The following CFAP74 variants were observed in gnomAD, a reference collection of about 807,000 sequenced individuals.
CFAP74 encodes cilia and flagella associated protein 74.
A neutral mutation model predicts 188.9 loss-of-function variants in CFAP74; 124 were observed. The ratio of observed to expected loss-of-function variants is 0.66; its 90% confidence interval spans 0.57 to 0.76. CFAP74 has a LOEUF of 0.76. Ranked by LOEUF, CFAP74 falls within the 30% of genes least tolerant of loss-of-function variation. CFAP74 has a pLI of 0.00. For synonymous variants in CFAP74, 956 were observed against 916.7 expected, an observed-to-expected ratio of 1.04 and a Z score of -0.77; for missense variants, 2,198 against 2,165.2, an observed-to-expected ratio of 1.02 and a Z score of -0.30.
In CFAP74 at chr1:1,930,216, G is replaced by T. The variant is rs547983727; in HGVS notation, c.3132C>A (p.Ile1044=). 1 of 1,535,742 alleles carries T rather than the reference G, an allele frequency of 6.5e-7. No individual in the cohort carries two copies. The highest frequency in any genetic ancestry group is 2.4e-5 in the East Asian group (1 of 40,918). Residue 1044 remains isoleucine (I), a synonymous_variant, in exon 26 of 39, where the codon ATC becomes ATA. Transcript: ENST00000682832. The part of the protein sequence containing the change: ...YDTSVATVYV[I]NSHLSMSSPT... ...GTGAGCTCATGCTCAGGTGAGAGTT[G>T]ATGACGTACACTGTAGCCACGGAGG...
At chr1:1,994,719 A>C (rs1258739156) in intron 1 of CFAP74, among the ~76,000 whole-genome samples, 2 of 152,222 alleles carry the variant, frequency 1.3e-5, no homozygotes, top group Non-Finnish European at 2.9e-5. Context: ...CATTGCACAC[A>C]CACAGTTCCT....
chr1:1,968,593 A>C lies in CFAP74; in HGVS notation c.1245+42T>G. The C allele has an allele frequency of 6.4e-7, 1 of 1,562,988 alleles. No individual in the cohort carries two copies. The highest frequency in any genetic ancestry group is 8.8e-7 in the Non-Finnish European group (1 of 1,138,648). The stretch of plus-strand genomic sequence containing the variant: ...AGCCCTGAGGCCCCACCTGCCCTCC[A>C]CAGGTGTGCGGCTTCTGTCTACAGG... On this transcript the variant is annotated intron_variant, in intron 11 of 38. Transcript: ENST00000682832. The surrounding 1 kb of genome is among the most constrained non-coding windows in gnomAD (Gnocchi z 4.3).
chr1:1,927,154 G>T, intron 28 of CFAP74, 126 bp from the exon 29 acceptor site: 1 of 1,139,356 alleles, frequency 8.8e-7, no homozygotes, highest in Non-Finnish European at 1.2e-6. Context: ...TGTCCCAGTT[G>T]TGTCTGACAA....
intron 18 of CFAP74, 119 bp downstream of exon 18, chr1:1,955,572 G>A (rs959818049): frequency 1.8e-5 from 29 of 1,611,772 alleles, no homozygotes; most frequent in South Asian, 2.2e-5. Flanking sequence ...ACTTAACATC[G>A]AAGGCCTAGG....
At chr1:1,956,920 G>T in intron 16 of CFAP74, 136 bp from the exon 17 acceptor site, 1 of 866,934 alleles carries the variant, frequency 1.2e-6, no homozygotes, top group Non-Finnish European at 1.8e-6. Flanking sequence ...GCAGGTACAC[G>T]ATTCAACCCA....
chr1:1,985,263 C>T (rs995257288), intron 6 of CFAP74, 123 bp downstream of exon 6: 2 of 759,526 alleles, frequency 2.6e-6, no homozygotes, highest in Admixed American at 4.2e-5. Context: ...CCCCTTTCCA[C>T]TTCCCCGCAG....
chr1:1,932,383 C>T (rs1033999276), intron 25 of CFAP74, among the ~76,000 whole-genome samples: 2 of 144,342 alleles, frequency 1.4e-5, no homozygotes, highest in African/African-American at 5.1e-5. Context: ...GGTGATAGAG[C>T]GAGACTCTGT....
Position 1,924,452 on chromosome 1 carries a change from G to C in CFAP74, c.4173C>G (p.Gly1391=), listed in dbSNP as rs1236028661. The C allele has an allele frequency of 2.5e-6, 4 of 1,584,480 alleles. No individual in the cohort carries two copies. Among genetic ancestry groups the C allele is most frequent in the Non-Finnish European group, 3.4e-6 (4 of 1,169,920 alleles). Residue 1391 remains glycine, a synonymous_variant, in exon 34 of 39, where the codon GGC becomes GGG. Transcript: ENST00000682832. ...MHLDSLSSTR[G]RGQQQLPQFL... ...ACTGCGGCAGCTGCTGCTGGCCCCG[G>C]CCCCGGGTGCTGGAGAGGCTGTCCA... is the stretch of plus-strand genomic sequence containing the variant.
chr1:1,996,712 G>A (rs923744055), intron 1 of CFAP74, among the ~76,000 whole-genome samples: 5 of 151,878 alleles, frequency 3.3e-5, no homozygotes, highest in Admixed American at 2.6e-4. Context: ...CTTGAGGTCC[G>A]GAGTTTGAGA....
intron 20 of CFAP74, 65 bp from the exon 21 acceptor site, chr1:1,944,517 C>T: frequency 6.7e-7 from 1 of 1,503,244 alleles, no homozygotes; most frequent in Non-Finnish European, 8.9e-7. Flanking sequence ...TGTTGGTGAG[C>T]ACTGACACAG....
At chr1:1,944,737 G>A (rs759013157) in intron 20 of CFAP74, among the ~76,000 whole-genome samples, 3 of 152,134 alleles carry the variant, frequency 2.0e-5, no homozygotes, top group Non-Finnish European at 4.4e-5. Flanking sequence ...CTCCCAAGTA[G>A]CTGGGATTAC....
At chr1:1,939,805 C>T (rs759129874) in intron 23 of CFAP74, 38 bp from the exon 24 acceptor site, 240 of 1,518,206 alleles carry the variant, frequency 1.6e-4, no homozygotes, top group African/African-American at 9.2e-4. Context: ...CGCAGCCACT[C>T]GGAGACTTAC....
chr1:1,998,227 A>G (rs7532409), intron 1 of CFAP74, among the ~76,000 whole-genome samples: 52,598 of 151,986 alleles, frequency 0.35, 10,157 homozygotes, highest in African/African-American at 0.53. Context: ...GCAGTGAGCC[A>G]AGATCGTGCC....
At position 1,971,973 on chromosome 1, in the gene CFAP74, G is replaced by C. The variant is rs373596436; in HGVS notation, c.888+7C>G. ...GGGAGAGGCTGGGTGGGGCTGCGGGGGCCTACCCGGTTCGCGGAGATGCTG... is the reference window on the plus strand; with the variant it reads ...GGGAGAGGCTGGGTGGGGCTGCGGGCGCCTACCCGGTTCGCGGAGATGCTG... On this transcript the variant is annotated splice_region_variant and intron_variant, in intron 9 of 38. Transcript: ENST00000682832. 1.9e-6 allele frequency: 3 copies of C among 1,604,878 alleles called. No individual in the cohort carries two copies. Among genetic ancestry groups the C allele is most frequent in the Non-Finnish European group, 2.5e-6 (3 of 1,177,502 alleles).
Position 1,942,746 on chromosome 1 carries a change from C to T in CFAP74, c.2487-590G>A, listed in dbSNP as rs1464249991. Among the ~76,000 whole-genome samples the T allele has an allele frequency of 1.3e-5, 2 of 152,180 alleles. No individual in the cohort carries two copies. The highest frequency in any genetic ancestry group is 2.9e-5 in the Non-Finnish European group (2 of 68,026). On this transcript the variant is annotated intron_variant, in intron 21 of 38. Coordinates refer to ENST00000682832, the MANE Select transcript of CFAP74 (RefSeq NM_001304360.2). The surrounding 1 kb of genome is among the most constrained non-coding windows in gnomAD (Gnocchi z 4.3). Reference sequence around the variant, plus strand: ...CCTCCTCAGGACCACCTGGAGCCTCCCTGTTCCCACAGTGAAGCCTCCCTC... The same window carrying T: ...CCTCCTCAGGACCACCTGGAGCCTCTCTGTTCCCACAGTGAAGCCTCCCTC...
intron 18 of CFAP74, among the ~76,000 whole-genome samples, chr1:1,952,374 C>G (rs570624228): frequency 1.7e-4 from 25 of 147,542 alleles, no homozygotes; most frequent in Admixed American, 4.0e-4. Context: ...AGAAAAGAAA[C>G]AAAAAAGCAA....
intron 5 of CFAP74, 94 bp downstream of exon 5, chr1:1,986,843 C>T: frequency 9.6e-6 from 10 of 1,037,658 alleles, no homozygotes; most frequent in Non-Finnish European, 1.5e-5. Flanking sequence ...GGCCTGAACA[C>T]AGCAGGTGCT....
At chr1:2,000,506 C>T (rs1250769278) in intron 1 of CFAP74, among the ~76,000 whole-genome samples, 1 of 152,082 alleles carries the variant, frequency 6.6e-6, no homozygotes, top group African/African-American at 2.4e-5. Context: ...AACAAAGTAC[C>T]ACAACCTAGG....
intron 32 of CFAP74, 31 bp downstream of exon 32, chr1:1,926,197 G>A (rs1302292770): frequency 9.5e-6 from 14 of 1,474,890 alleles, no homozygotes; most frequent in Admixed American, 5.0e-5. Context: ...GCCTTGGGCC[G>A]CAGTGTGGCC....
Sources: gnomAD v4.1 joint callset for allele counts (sites outside exome capture counted in the v4.1 genomes callset) on GRCh38, gnomAD v4.1.1 for gene constraint, Gnocchi (gnomAD v3.1) non-coding constraint, MANE v1.5 for transcripts, NCBI Gene and HGNC (gene_info 2026-07-23, HGNC 2026-07-21) for gene names.